The following TRDN variants were observed in gnomAD, a reference collection of about 807,000 sequenced individuals.
The protein encoded by TRDN is triadin in skeletal muscle.
In TRDN, 161 loss-of-function variants were observed where a neutral mutation model predicts 149.7. The ratio of observed to expected loss-of-function variants is 1.08; its 90% CI spans 0.95 to 1.23. The LOEUF is 1.23. Ranked by LOEUF, TRDN falls within the 50% of genes most tolerant of loss-of-function variation. TRDN has a pLI of 0.00. For synonymous variants in TRDN, 294 were observed against 250.5 expected (o/e 1.17, Z -1.64); for missense variants, 896 against 823.5 (o/e 1.09, Z -1.08).
intron 4 of TRDN, among the ~76,000 whole-genome samples, chr6:123,540,871 A>C (rs1780800982): frequency 6.6e-6 from 1 of 152,198 alleles, no homozygotes; most frequent in Non-Finnish European, 1.5e-5. Context: ...CATCACTTGA[A>C]TCTGACACAC....
chr6:123,498,119 T>C (rs1487326745), intron 8 of TRDN: 1 of 163,838 alleles, frequency 6.1e-6, no homozygotes, highest in Non-Finnish European at 1.3e-5. Context: ...AGCATACATA[T>C]TATGAAATAA....
intron 9 of TRDN, 72 bp from the exon 10 acceptor site, chr6:123,465,055 A>C: frequency 6.8e-7 from 1 of 1,480,776 alleles, no homozygotes; most frequent in South Asian, 1.3e-5. Flanking sequence ...CTAAAAAGCT[A>C]GATCTGTCCC....
At chr6:123,315,371 C>T (rs551595173) in intron 24 of TRDN, among the ~76,000 whole-genome samples, 39 of 151,790 alleles carry the variant, frequency 2.6e-4, no homozygotes, top group African/African-American at 8.9e-4. Flanking sequence ...CCAAAGAATG[C>T]ATGTTTTAAA....
chr6:123,304,265 T>C (rs111446011), intron 24 of TRDN, among the ~76,000 whole-genome samples: 1 of 148,078 alleles, frequency 6.8e-6, no homozygotes, highest in Non-Finnish European at 1.5e-5. Flanking sequence ...TTTTTTTTTT[T>C]TTTTTTGAGA....
intron 1 of TRDN, among the ~76,000 whole-genome samples, chr6:123,585,339 T>G (rs539508759): frequency 1.1e-3 from 171 of 151,244 alleles, no homozygotes; most frequent in African/African-American, 3.4e-3. Flanking sequence ...GGCACCAGAG[T>G]TGGGGACTTT....
At position 123,452,965 on chromosome 6, in the gene TRDN, G is replaced by A. The variant is rs1195684212; in HGVS notation, c.931+11941C>T. Among the ~76,000 whole-genome samples, 5 of 150,736 alleles carry A rather than the reference G, an allele frequency of 3.3e-5. No homozygotes were observed. In the East Asian group the frequency reaches 9.7e-4, roughly 29 times the overall value. On this transcript the variant is annotated intron_variant, in intron 10 of 40. Transcript: ENST00000334268. ...TAAACCCGAATACTTACAGCCAACT[G>A]ATCTTCGAAAAAGCAAACAAAAACA... is the stretch of plus-strand genomic sequence containing the variant.
intron 5 of TRDN, among the ~76,000 whole-genome samples, chr6:123,525,754 T>G (rs1249768771): frequency 2.0e-5 from 3 of 152,208 alleles, no homozygotes; most frequent in African/African-American, 7.2e-5. Context: ...AAACTCTGAC[T>G]GACTGGCATG....
Position 123,393,630 on chromosome 6 carries a change from C to A in TRDN, c.1099G>T (p.Ala367Ser), listed in dbSNP as rs1417279275. Residue 367 changes from alanine to serine, a missense_variant, in exon 13 of 41, where the codon GCA becomes TCA. Coordinates refer to ENST00000334268, the MANE Select transcript of TRDN (RefSeq NM_006073.4). Reference sequence around the variant, plus strand: ...AAAGTGTTTTATTGCTTACCTTGTGCTGCAATTTTTACAGTCCCTTGTTTG... The same window carrying A: ...AAAGTGTTTTATTGCTTACCTTGTGATGCAATTTTTACAGTCCCTTGTTTG... ...ETKQGTVKIA[A>S]QAAAKKDEKK... The A allele has an allele frequency of 3.8e-5, 61 of 1,603,834 alleles. No individual in the cohort carries two copies. Among genetic ancestry groups the A allele is most frequent in the Non-Finnish European group, 5.0e-5 (59 of 1,174,372 alleles).
chr6:123,312,422 A>C (rs1355236086), intron 24 of TRDN, among the ~76,000 whole-genome samples: 1 of 151,898 alleles, frequency 6.6e-6, no homozygotes, highest in African/African-American at 2.4e-5. Context: ...CATCATAGTA[A>C]ATATATTTTA....
intron 22 of TRDN, among the ~76,000 whole-genome samples, chr6:123,332,650 C>T (rs1779705539): frequency 6.6e-6 from 1 of 152,062 alleles, no homozygotes; most frequent in South Asian, 2.1e-4. Context: ...TTTTATGCTT[C>T]CTCTGCAACA....
At position 123,530,642 on chromosome 6, in the gene TRDN, T is replaced by C. The variant is rs1780200937; in HGVS notation, c.425-77A>G. ...TAAGCCATAGCTATGACCTAAACTTTATAAACCTACCACAAAGTTTAAATT... is the reference window on the plus strand; with the variant it reads ...TAAGCCATAGCTATGACCTAAACTTCATAAACCTACCACAAAGTTTAAATT... On this transcript the variant is annotated intron_variant, in intron 4 of 40. Transcript: ENST00000334268. 1.2e-5 allele frequency: 10 copies of C among 866,366 alleles called. No homozygotes were observed. The South Asian group carries it at 2.1e-4, about 18-fold the overall frequency. 53.7% of individuals were successfully genotyped at this position (866,366 alleles called of 1,614,324 possible). A position where few individuals can be genotyped will look rare whatever the true frequency, so the allele number is the denominator to read the frequency against.
intron 1 of TRDN, chr6:123,584,074 C>T (rs1327999048): frequency 6.5e-6 from 1 of 152,828 alleles, no homozygotes; most frequent in Non-Finnish European, 1.5e-5. Flanking sequence ...GGGTGAGGAA[C>T]AGGAAAGAAG....
In TRDN at chr6:123,273,023, A is replaced by C; in HGVS notation, c.1625-12T>G. 1 of 1,483,690 alleles carries C rather than the reference A, an allele frequency of 6.7e-7. No individual in the cohort carries two copies. The highest frequency in any genetic ancestry group is 9.0e-7 in the Non-Finnish European group (1 of 1,115,882). 91.9% of individuals were successfully genotyped at this position (1,483,690 alleles called of 1,614,324 possible). Reference sequence around the variant, plus strand: ...CACTATGTCTTGTTCTGAAAATAATAAAAAGAAAATCTTTTTTAGGTATTT... The same window carrying C: ...CACTATGTCTTGTTCTGAAAATAATCAAAAGAAAATCTTTTTTAGGTATTT... On this transcript the variant is annotated splice_polypyrimidine_tract_variant and intron_variant, in intron 28 of 40. Coordinates refer to ENST00000334268, the MANE Select transcript of TRDN (RefSeq NM_006073.4).
intron 1 of TRDN, among the ~76,000 whole-genome samples, chr6:123,596,145 T>C (rs566906686): frequency 9.7e-4 from 147 of 152,110 alleles, no homozygotes; most frequent in African/African-American, 3.3e-3. Flanking sequence ...ACATAAATGA[T>C]AAAAAAGCAA....
At chr6:123,274,250 T>G (rs961624175) in intron 27 of TRDN, among the ~76,000 whole-genome samples, 1 of 152,038 alleles carries the variant, frequency 6.6e-6, no homozygotes, top group South Asian at 2.1e-4. Flanking sequence ...CAAACCACAA[T>G]AGTCTATAAC....
chr6:123,280,916 A>G (rs1303078163), intron 24 of TRDN, among the ~76,000 whole-genome samples: 1 of 152,060 alleles, frequency 6.6e-6, no homozygotes, highest in Non-Finnish European at 1.5e-5. Context: ...TTCCTAATAC[A>G]TGGTGATAAG....
chr6:123,339,527 A>G (rs575376743), intron 21 of TRDN, among the ~76,000 whole-genome samples: 8 of 152,290 alleles, frequency 5.3e-5, no homozygotes, highest in African/African-American at 1.9e-4. Flanking sequence ...TGGAAAAAAC[A>G]GGTGAAGTGC....
intron 4 of TRDN, among the ~76,000 whole-genome samples, chr6:123,538,383 C>G (rs1412815290): frequency 6.6e-6 from 1 of 152,088 alleles, no homozygotes; most frequent in African/African-American, 2.4e-5. Flanking sequence ...CAGCTGTTTG[C>G]TGAATTATTA....
At chr6:123,220,810 CAAA>C (rs1396342303) in intron 40 of TRDN, among the ~76,000 whole-genome samples, 1 of 151,806 alleles carries the variant, frequency 6.6e-6, no homozygotes, top group African/African-American at 2.4e-5. Flanking sequence ...TTATGTGACA[CAAA>C]CTTCAGTTAT....
Sources: gnomAD v4.1 joint callset for allele counts (sites outside exome capture counted in the v4.1 genomes callset) on GRCh38, gnomAD v4.1.1 for gene constraint, MANE v1.5 for transcripts, NCBI Gene and HGNC (gene_info 2026-07-23, HGNC 2026-07-21) for gene names.